MYOF: variants seen among roughly 807,000 people sequenced by gnomAD.
MYOF encodes myoferlin, also known as fer-1-like 3, myoferlin.
Under a neutral mutation model 284.2 loss-of-function variants are expected in MYOF, and 244 were observed. The observed-to-expected ratio is 0.86, with a 90% CI of 0.77 to 0.95. MYOF has a LOEUF of 0.95. MYOF is among the 40% of genes least tolerant of loss of function. The pLI, the probability that MYOF is intolerant of heterozygous loss-of-function variation, is 0.00. For missense variants in MYOF, 2,496 were observed against 2,560.6 expected (o/e 0.97, Z 0.54); for synonymous variants, 904 against 919.7 (o/e 0.98, Z 0.31).
intron 32 of MYOF, 43 bp downstream of exon 32, chr10:93,353,768 T>A (rs764815713): frequency 2.7e-6 from 4 of 1,456,186 alleles, no homozygotes; most frequent in Middle Eastern, 1.9e-4. Flanking sequence ...CAAAATAGCA[T>A]GCTATGTAAT....
intron 1 of MYOF, among the ~76,000 whole-genome samples, chr10:93,462,567 G>A (rs772127305): frequency 3.9e-5 from 6 of 151,968 alleles, no homozygotes; most frequent in Admixed American, 6.6e-5. Context: ...TTTAACCACT[G>A]CACCTCCCAT....
chr10:93,467,535 A>G (rs28591606), intron 1 of MYOF, among the ~76,000 whole-genome samples: 29,345 of 151,772 alleles, frequency 0.19, 3,348 homozygotes, highest in Middle Eastern at 0.27. Context: ...GGGACTGTAA[A>G]CTAGTTCAAC....
At chr10:93,447,662 C>T (rs2056471559) in intron 3 of MYOF, among the ~76,000 whole-genome samples, 1 of 152,140 alleles carries the variant, frequency 6.6e-6, no homozygotes, top group Non-Finnish European at 1.5e-5. Flanking sequence ...CTCTCGTTCG[C>T]CAGCTAATAA....
chr10:93,482,162 A>T lies in MYOF; in HGVS notation c.33T>A (p.Asn11Lys). Reference protein sequence around the residue: MLRVIVESASNIPKTKFGKPD... With the variant: MLRVIVESASKIPKTKFGKPD... Reference sequence around the variant, plus strand: ...GCTTGCCAAATTTCGTTTTAGGGATATTGCTGGCAGATTCCACAATCACTC... The same window carrying T: ...GCTTGCCAAATTTCGTTTTAGGGATTTTGCTGGCAGATTCCACAATCACTC... Residue 11 changes from asparagine to lysine, a missense_variant, in exon 1 of 54, where the codon AAT (asparagine) becomes AAA (lysine). Coordinates refer to ENST00000359263, the MANE Select transcript of MYOF (RefSeq NM_013451.4). 6.2e-7 allele frequency: 1 copy of T among 1,614,204 alleles called. No individual in the cohort carries two copies.
chr10:93,349,972 A>T lies in MYOF; in HGVS notation c.3922-3T>A, dbSNP rs370306857. The stretch of plus-strand genomic sequence containing the variant: ...TTTCTTAAGCCCCAAGCTAGAATCT[A>T]TGAAAACGATTTAAAGAGAGGGGAA... On this transcript the variant is annotated splice_region_variant and splice_polypyrimidine_tract_variant and intron_variant, in intron 35 of 53. Coordinates refer to ENST00000359263, the MANE Select transcript of MYOF (RefSeq NM_013451.4). 8.4e-5 allele frequency: 135 copies of T among 1,613,014 alleles called. No homozygotes were observed. The highest frequency in any genetic ancestry group is 1.0e-4 in the Non-Finnish European group (122 of 1,179,646).
intron 29 of MYOF, among the ~76,000 whole-genome samples, 200 bp from the exon 30 acceptor site, chr10:93,357,048 G>A (rs1003290767): frequency 1.3e-5 from 2 of 152,224 alleles, no homozygotes; most frequent in African/African-American, 4.8e-5. Flanking sequence ...GACTGCAGGA[G>A]TGCAGAGAGA....
At position 93,377,395 on chromosome 10, in the gene MYOF, T is replaced by C; in HGVS notation, c.2036A>G (p.Gln679Arg). ...TNIEALKSGI[Q>R]GKIPANQLAE... Reference sequence around the variant, plus strand: ...CAGCTGGTTTGCAGGAATTTTACCTTGTATCCCTGATTTTAGAGCTTCTAT... The same window carrying C: ...CAGCTGGTTTGCAGGAATTTTACCTCGTATCCCTGATTTTAGAGCTTCTAT... Residue 679 changes from glutamine (Q) to arginine (R), a missense_variant, in exon 22 of 54, where the codon CAA becomes CGA. By Grantham distance (43) the Gln-to-Arg change is conservative. Transcript: ENST00000359263. 6.2e-7 allele frequency: 1 copy of C among 1,614,046 alleles called. No individual in the cohort carries two copies.
In MYOF at chr10:93,381,416, A is replaced by C; in HGVS notation, c.1699-20T>G. ...GTATTTCTATAAAGTATGAGCAGAC[A>C]TAAGGTTCAGTGAAAGGCCATTTGT... On this transcript the variant is annotated intron_variant, in intron 19 of 53. Coordinates refer to ENST00000359263, the MANE Select transcript of MYOF (RefSeq NM_013451.4). 6.2e-7 allele frequency: 1 copy of C among 1,612,918 alleles called. No individual in the cohort carries two copies. The highest frequency in any genetic ancestry group is 8.5e-7 in the Non-Finnish European group (1 of 1,179,136).
At chr10:93,399,830 C>T (rs1299993653) in intron 12 of MYOF, among the ~76,000 whole-genome samples, 1 of 152,110 alleles carries the variant, frequency 6.6e-6, no homozygotes, top group African/African-American at 2.4e-5. Flanking sequence ...CAAGATCACA[C>T]CACTGCAGTC....
Position 93,349,909 on chromosome 10 carries a change from TG to T in MYOF, c.3981del (p.Ser1328ValfsTer15). On this transcript the variant is annotated frameshift_variant, in exon 36 of 54. Transcript: ENST00000359263. LOFTEE classifies it high-confidence loss of function. ...TCTCCTCCACACTCCACAACAAGAC[TG>T]GGGGATGTGATAGAAGCCATCTGGA... is the stretch of plus-strand genomic sequence containing the variant. ...KNFQMASITS[P>X]SLVVECGGER... 3 of 1,614,156 alleles carry T rather than the reference TG, an allele frequency of 1.9e-6. No homozygotes were observed. The highest frequency in any genetic ancestry group is 2.5e-6 in the Non-Finnish European group (3 of 1,180,036).
At chr10:93,350,648 A>G (rs1402567473) in intron 35 of MYOF, among the ~76,000 whole-genome samples, 2 of 152,164 alleles carry the variant, frequency 1.3e-5, no homozygotes, top group African/African-American at 4.8e-5. Flanking sequence ...TCTGACATGG[A>G]AGCATTTCGA....
intron 17 of MYOF, among the ~76,000 whole-genome samples, chr10:93,391,631 C>T (rs1846684373): frequency 6.6e-6 from 1 of 151,922 alleles, no homozygotes. Flanking sequence ...AAAGAAAACC[C>T]ATTCTCTCAT....
intron 29 of MYOF, among the ~76,000 whole-genome samples, chr10:93,358,271 A>C (rs1039642209): frequency 3.9e-5 from 6 of 152,200 alleles, no homozygotes; most frequent in Non-Finnish European, 8.8e-5. Context: ...ACTAGTCAGA[A>C]TAGAGATTAT....
chr10:93,411,807 C>T (rs947587782), intron 5 of MYOF, among the ~76,000 whole-genome samples: 6 of 152,200 alleles, frequency 3.9e-5, no homozygotes, highest in African/African-American at 1.2e-4. Flanking sequence ...TGCCAAGCTC[C>T]GTGCCCTTTT....
At chr10:93,425,129 C>T (rs1459330513) in intron 5 of MYOF, among the ~76,000 whole-genome samples, 1 of 151,780 alleles carries the variant, frequency 6.6e-6, no homozygotes, top group East Asian at 1.9e-4. Flanking sequence ...TTATTAGAGA[C>T]AAGGTTTCAC....
At chr10:93,418,480 A>G (rs1848224068) in intron 5 of MYOF, among the ~76,000 whole-genome samples, 1 of 152,234 alleles carries the variant, frequency 6.6e-6, no homozygotes, top group South Asian at 2.1e-4. Context: ...GCATGTTCCA[A>G]TATGTAGACC....
intron 1 of MYOF, among the ~76,000 whole-genome samples, chr10:93,457,658 T>A (rs1046503817): frequency 3.3e-5 from 5 of 151,722 alleles, no homozygotes; most frequent in African/African-American, 1.2e-4. Context: ...TTCTTTTGGG[T>A]CCCCAAGTCC....
intron 5 of MYOF, among the ~76,000 whole-genome samples, chr10:93,419,503 C>G (rs1377800470): frequency 6.6e-6 from 1 of 152,136 alleles, no homozygotes; most frequent in African/African-American, 2.4e-5. Context: ...AAACCATATT[C>G]AGTGCCCATC....
At chr10:93,393,016 T>G (rs760796469) in intron 16 of MYOF, 61 bp from the exon 17 acceptor site, 1 of 1,454,402 alleles carries the variant, frequency 6.9e-7, no homozygotes. Flanking sequence ...AAACAGACAT[T>G]GAAAACGTTA....
Sources: allele counts gnomAD v4.1 joint callset (sites outside exome capture counted in the v4.1 genomes callset), GRCh38; gene constraint gnomAD v4.1.1; transcripts MANE v1.5; gene names NCBI Gene and HGNC (gene_info 2026-07-23, HGNC 2026-07-21).